DOCK8: variants seen among roughly 807,000 people sequenced by gnomAD.
DOCK8 encodes the protein dedicator of cytokinesis 8.
Under a neutral mutation model 245.6 loss-of-function variants are expected in DOCK8, and 141 were observed. The ratio of observed to expected loss-of-function variants is 0.57; its 90% confidence interval spans 0.50 to 0.66. The LOEUF is 0.66. Among genes scored for constraint, DOCK8 ranks in the 30% least tolerant of loss-of-function variants. The pLI, the probability that DOCK8 is intolerant of heterozygous loss-of-function variation, is 0.00. For synonymous variants in DOCK8, 1,168 were observed against 970.2 expected (o/e 1.20, Z -3.79); for missense variants, 2,965 against 2,603.4 (o/e 1.14, Z -3.02).
chr9:412,053 C>T (rs2055755180), intron 28 of DOCK8, among the ~76,000 whole-genome samples: 1 of 152,108 alleles, frequency 6.6e-6, no homozygotes, highest in African/African-American at 2.4e-5. Flanking sequence ...ACCCTTGCCA[C>T]TTCTATTCAA....
At chr9:220,840 C>G in intron 1 of DOCK8, 1 of 328,872 alleles carries the variant, frequency 3.0e-6, no homozygotes, top group Non-Finnish European at 5.9e-6. Context: ...CCTGCCTCAG[C>G]CTCCTGAGTA....
At chr9:235,138 C>G (rs1009696628) in intron 1 of DOCK8, among the ~76,000 whole-genome samples, 1 of 152,184 alleles carries the variant, frequency 6.6e-6, no homozygotes, top group Admixed American at 6.5e-5. Context: ...AGCTGCAGGT[C>G]TGTTGGAGTT....
At chr9:235,165 C>G (rs1285138279) in intron 1 of DOCK8, among the ~76,000 whole-genome samples, 2 of 152,198 alleles carry the variant, frequency 1.3e-5, no homozygotes, top group South Asian at 2.1e-4. Flanking sequence ...AGGTCCACTC[C>G]AGACGCTGTT....
In DOCK8 at chr9:433,444, T is replaced by C. The variant is rs375493115; in HGVS notation, c.4786-431T>C. ...TTAAGAATAAATGATTACAAGAGGT[T>C]CTAAAATCTCTGAAGCCCTGGGAAG... is the stretch of plus-strand genomic sequence containing the variant. On this transcript the variant is annotated intron_variant, in intron 37 of 47. Transcript: ENST00000432829. 3.5e-4 allele frequency among the ~76,000 whole-genome samples: 53 copies of C among 152,278 alleles called. No homozygotes were observed. In the East Asian group the frequency reaches 5.4e-3, roughly 16 times the overall value.
intron 39 of DOCK8, 125 bp from the exon 40 acceptor site, chr9:439,120 T>A: frequency 3.3e-6 from 4 of 1,208,640 alleles, no homozygotes; most frequent in Non-Finnish European, 3.7e-6. Flanking sequence ...ATTACAGACC[T>A]AGTTTAGTCA....
At chr9:415,692 G>GCACACACGCACGCACACACA (rs1554699022) in intron 29 of DOCK8, among the ~76,000 whole-genome samples, 73 of 151,086 alleles carry the variant, frequency 4.8e-4, no homozygotes, top group African/African-American at 1.8e-3. Flanking sequence ...GTGCGCGCGT[G>GCACACACGCACGCACACACA]CACACACACA....
At chr9:305,446 C>A (rs1010154786) in intron 5 of DOCK8, among the ~76,000 whole-genome samples, 3 of 151,834 alleles carry the variant, frequency 2.0e-5, no homozygotes, top group African/African-American at 7.3e-5. Context: ...CCACGCCCAG[C>A]TAATTTCTTT....
intron 4 of DOCK8, among the ~76,000 whole-genome samples, chr9:292,633 T>C (rs1363875393): frequency 8.5e-6 from 1 of 117,750 alleles, no homozygotes; most frequent in African/African-American, 3.3e-5. Flanking sequence ...TTGTCTAGTC[T>C]GATTTATTTT....
chr9:342,337 G>A (rs943607553), intron 14 of DOCK8, among the ~76,000 whole-genome samples: 3 of 140,640 alleles, frequency 2.1e-5, no homozygotes, highest in African/African-American at 5.3e-5. Context: ...CTATGGAGTC[G>A]TGAGTCATTT....
chr9:290,395 TAG>T (rs2048989634), intron 4 of DOCK8, among the ~76,000 whole-genome samples: 1 of 152,200 alleles, frequency 6.6e-6, no homozygotes. Context: ...GCACCTGGAA[TAG>T]AGCCTTTTTG....
At chr9:245,670 A>T (rs927454834) in intron 1 of DOCK8, among the ~76,000 whole-genome samples, 1 of 152,198 alleles carries the variant, frequency 6.6e-6, no homozygotes, top group African/African-American at 2.4e-5. Context: ...GGCTGGCTTC[A>T]TGTGCTCTAG....
intron 24 of DOCK8, 39 bp downstream of exon 24, chr9:390,605 C>A: frequency 6.4e-7 from 1 of 1,571,590 alleles, no homozygotes; most frequent in Non-Finnish European, 8.8e-7. Context: ...CTCAATAGGC[C>A]AAGAGAAGCA....
rs76129972 is a variant in DOCK8 at position 317,182 on chromosome 9, A to G, written c.827+54A>G. On this transcript the variant is annotated intron_variant, in intron 7 of 47. Coordinates refer to ENST00000432829, the MANE Select transcript of DOCK8 (RefSeq NM_203447.4). ...CTTTGAGATTTATCTTGCCTTTTAC[A>G]TACAAATGTTGTGTTTATTATCAGA... is the stretch of plus-strand genomic sequence containing the variant. The G allele has an allele frequency of 4.4e-6, 6 of 1,362,280 alleles. No homozygotes were observed. In the South Asian group the frequency reaches 4.7e-5, roughly 11 times the overall value. The allele number at this position is 1,362,280 out of a possible 1,614,324, so 84.4% of individuals were successfully genotyped here.
At chr9:311,633 C>T (rs1035305786) in intron 5 of DOCK8, among the ~76,000 whole-genome samples, 16 of 151,936 alleles carry the variant, frequency 1.1e-4, no homozygotes, top group African/African-American at 3.6e-4. Context: ...AGAGGCTTGG[C>T]CCCCCCAGCC....
At chr9:334,188 T>A (rs563387957) in intron 10 of DOCK8, 37 bp from the exon 11 acceptor site, 8 of 1,613,526 alleles carry the variant, frequency 5.0e-6, no homozygotes, top group Middle Eastern at 1.7e-4. Context: ...TTGGTGCTGA[T>A]GCTTGTTTCA....
intron 28 of DOCK8, 43 bp downstream of exon 28, chr9:407,112 C>T: frequency 1.2e-6 from 2 of 1,613,558 alleles, no homozygotes; most frequent in East Asian, 2.2e-5. Flanking sequence ...GCCAAAAAAA[C>T]AGATGTTCTT....
At chr9:239,028 C>A (rs1483080832) in intron 1 of DOCK8, among the ~76,000 whole-genome samples, 3 of 152,128 alleles carry the variant, frequency 2.0e-5, no homozygotes, top group Non-Finnish European at 4.4e-5. Flanking sequence ...ACCGGAGTAC[C>A]CTGAGAAAGC....
intron 18 of DOCK8, among the ~76,000 whole-genome samples, chr9:373,530 A>C (rs184948730): frequency 4.0e-4 from 61 of 152,330 alleles, no homozygotes; most frequent in Non-Finnish European, 7.5e-4. Context: ...TGATTGTTAC[A>C]TCTCTGGAGA....
intron 5 of DOCK8, among the ~76,000 whole-genome samples, chr9:311,299 A>AAAT (rs60559165): frequency 2.0e-5 from 3 of 150,108 alleles, no homozygotes; most frequent in Non-Finnish European, 3.0e-5. Context: ...AAAAAAAAAA[A>AAAT]GGTAATCATA....
Sources: allele counts gnomAD v4.1 joint callset (sites outside exome capture counted in the v4.1 genomes callset), GRCh38; gene constraint gnomAD v4.1.1; transcripts MANE v1.5; gene names NCBI Gene and HGNC (gene_info 2026-07-23, HGNC 2026-07-21).